The following PRKAG2 variants were observed in gnomAD, a reference collection of about 807,000 sequenced individuals.
The protein encoded by PRKAG2 is 5'-AMP-activated protein kinase subunit gamma-2.
In PRKAG2, 26 loss-of-function variants were observed where a neutral mutation model predicts 69.6. That is an observed-to-expected ratio of 0.37 (90% CI 0.27 to 0.52). The LOEUF (loss-of-function observed/expected upper bound fraction) is 0.52. Among genes scored for constraint, PRKAG2 ranks in the 20% least tolerant of loss-of-function variants. The pLI is 0.90. For missense variants in PRKAG2, 557 were observed against 740.0 expected (o/e 0.75, Z 2.87); for synonymous variants, 293 against 285.0 (o/e 1.03, Z -0.28).
Position 151,826,174 on chromosome 7 carries a change from C to CTT in PRKAG2, c.115-39635_115-39634dup, listed in dbSNP as rs946438841. 6.3e-4 allele frequency among the ~76,000 whole-genome samples: 95 copies of CTT among 149,726 alleles called. No homozygotes were observed. In the South Asian group the frequency reaches 0.011, roughly 17 times the overall value. On this transcript the variant is annotated intron_variant, in intron 1 of 15. Coordinates refer to ENST00000287878, the MANE Select transcript of PRKAG2 (RefSeq NM_016203.4). ...CCATCTCTCCTGACTTCCAGTTCCA[C>CTT]TTTTTTTTTTGTTGTTGTTTTTTTT...
chr7:151,621,983 G>A (rs117055335), intron 5 of PRKAG2, among the ~76,000 whole-genome samples: 53 of 152,260 alleles, frequency 3.5e-4, no homozygotes, highest in Non-Finnish European at 7.1e-4. Flanking sequence ...GAACAGACTT[G>A]ACAAAGGTTT....
intron 4 of PRKAG2, among the ~76,000 whole-genome samples, chr7:151,648,777 G>A (rs533868124): frequency 5.9e-5 from 9 of 152,246 alleles, no homozygotes; most frequent in African/African-American, 2.2e-4. Flanking sequence ...TCCCAGCTAC[G>A]TGGGAGGGTG....
rs1824776232 is a variant in PRKAG2, at chr7:151,632,281, G to A, written c.685-143C>T. On this transcript the variant is annotated intron_variant, in intron 4 of 15. Transcript: ENST00000287878. This position sits in a 1 kb window ranked among gnomAD's most constrained non-coding sequence, Gnocchi z 4.2. ...CCTGGCAGGGGACGCGGGCAGCGGG[G>A]GCCGGGGGCGGAGCGGGAGCGCTGC... The A allele has an allele frequency of 3.8e-5, 38 of 990,720 alleles. No individual in the cohort carries two copies. Among genetic ancestry groups the A allele is most frequent in the Non-Finnish European group, 4.5e-5 (37 of 830,978 alleles). 61.4% of individuals were successfully genotyped at this position (990,720 alleles called of 1,614,324 possible). A position where few individuals can be genotyped will look rare whatever the true frequency, so the allele number is the denominator to read the frequency against.
intron 1 of PRKAG2, among the ~76,000 whole-genome samples, chr7:151,855,315 ACCC>A (rs1563757238): frequency 2.4e-3 from 1 of 412 alleles, no homozygotes; most frequent in Admixed American, 0.036. Flanking sequence ...CACACACACC[ACCC>A]TCCCACACAC....
At chr7:151,631,083 C>T (rs1443225008) in intron 5 of PRKAG2, among the ~76,000 whole-genome samples, 2 of 152,162 alleles carry the variant, frequency 1.3e-5, no homozygotes, top group Non-Finnish European at 2.9e-5. Context: ...TGTGAATGAA[C>T]AGAGGTATTA....
intron 3 of PRKAG2, among the ~76,000 whole-genome samples, chr7:151,677,944 G>A (rs574304309): frequency 1.2e-3 from 189 of 152,184 alleles, no homozygotes; most frequent in African/African-American, 4.5e-3. Flanking sequence ...AACATAATTC[G>A]GCAGACGTTT....
At chr7:151,576,191 T>C (rs746981147) in intron 7 of PRKAG2, 180 bp downstream of exon 7, 11 of 664,056 alleles carry the variant, frequency 1.7e-5, no homozygotes, top group Admixed American at 7.0e-5. Context: ...TCTCCCTGCC[T>C]TGGCCTCCCA....
At chr7:151,729,942 T>C (rs1363679708) in intron 3 of PRKAG2, among the ~76,000 whole-genome samples, 1 of 152,102 alleles carries the variant, frequency 6.6e-6, no homozygotes, top group African/African-American at 2.4e-5. Flanking sequence ...GGACAAACAC[T>C]ACGTGATTCT....
intron 5 of PRKAG2, among the ~76,000 whole-genome samples, chr7:151,604,153 A>G (rs1283270254): frequency 6.6e-6 from 1 of 151,940 alleles, no homozygotes; most frequent in Admixed American, 6.6e-5. Context: ...TTGGCTGGGG[A>G]GCTGTGGGAG....
intron 5 of PRKAG2, among the ~76,000 whole-genome samples, chr7:151,598,957 T>C (rs1008184735): frequency 6.6e-6 from 1 of 152,024 alleles, no homozygotes; most frequent in African/African-American, 2.4e-5. Context: ...GTTCAAGAGA[T>C]TCTCCTGCCT....
chr7:151,724,220 A>C (rs929104509), intron 3 of PRKAG2, among the ~76,000 whole-genome samples: 2 of 151,982 alleles, frequency 1.3e-5, no homozygotes, highest in Admixed American at 6.6e-5. Context: ...CCCTATAACA[A>C]CACACTGGAT....
chr7:151,740,213 G>T (rs1256223925), intron 3 of PRKAG2, among the ~76,000 whole-genome samples: 1 of 152,246 alleles, frequency 6.6e-6, no homozygotes, highest in East Asian at 1.9e-4. Context: ...GCAGCCAACA[G>T]TGGGCACAGC....
At chr7:151,744,316 C>T (rs987580106) in intron 3 of PRKAG2, among the ~76,000 whole-genome samples, 9 of 152,208 alleles carry the variant, frequency 5.9e-5, no homozygotes, top group Non-Finnish European at 1.2e-4. Flanking sequence ...TGGTGCTGGT[C>T]CAGGCTGCAG....
intron 1 of PRKAG2, among the ~76,000 whole-genome samples, chr7:151,859,439 G>A (rs1563761138): frequency 6.6e-6 from 1 of 152,242 alleles, no homozygotes; most frequent in Non-Finnish European, 1.5e-5. Context: ...GTGCTGGCCA[G>A]GAATCATGGT....
intron 2 of PRKAG2, among the ~76,000 whole-genome samples, chr7:151,784,209 A>G (rs2076881570): frequency 6.6e-6 from 1 of 152,120 alleles, no homozygotes. Context: ...CCGAGGCCAC[A>G]TGGGAGGACC....
At chr7:151,799,108 C>T (rs887402846) in intron 1 of PRKAG2, among the ~76,000 whole-genome samples, 2 of 152,198 alleles carry the variant, frequency 1.3e-5, no homozygotes, top group Non-Finnish European at 2.9e-5. Flanking sequence ...TCACCTCTAG[C>T]GCCTAAACCC....
chr7:151,710,534 A>G (rs1300147055), intron 3 of PRKAG2, among the ~76,000 whole-genome samples: 1 of 152,146 alleles, frequency 6.6e-6, no homozygotes, highest in African/African-American at 2.4e-5. Flanking sequence ...CAGCCCCTTC[A>G]GGGCCCGTGC....
intron 1 of PRKAG2, among the ~76,000 whole-genome samples, chr7:151,815,195 TCC>T (rs774101308): frequency 6.6e-6 from 1 of 151,740 alleles, no homozygotes; most frequent in Admixed American, 6.6e-5. Context: ...TTCCCCCAAC[TCC>T]AACCAGACAG....
chr7:151,721,382 A>AGGGCCAGGGCCGGGGCCG (rs1471889430), intron 3 of PRKAG2, among the ~76,000 whole-genome samples: 1 of 151,076 alleles, frequency 6.6e-6, no homozygotes, highest in East Asian at 2.0e-4. Context: ...AGACAGGGCC[A>AGGGCCAGGGCCGGGGCCG]GGGCCAGGGC....
Sources: gnomAD v4.1 joint callset for allele counts (sites outside exome capture counted in the v4.1 genomes callset) on GRCh38, gnomAD v4.1.1 for gene constraint, Gnocchi (gnomAD v3.1) non-coding constraint, MANE v1.5 for transcripts, NCBI Gene and HGNC (gene_info 2026-07-23, HGNC 2026-07-21) for gene names.